The following MUC3A variants were observed in gnomAD, a reference collection of about 807,000 sequenced individuals.
MUC3A encodes the protein mucin 3A, cell surface associated.
In MUC3A, 109 loss-of-function variants were observed where a neutral mutation model predicts 109.0. The ratio of observed to expected loss-of-function variants is 1.00; its 90% CI spans 0.86 to 1.17. MUC3A has a LOEUF of 1.17. Among genes scored for constraint, MUC3A ranks in the 50% most tolerant of loss-of-function variants. The pLI, the probability that MUC3A is intolerant of heterozygous loss-of-function variation, is 0.00. For synonymous variants in MUC3A, 1,398 were observed against 981.4 expected (o/e 1.42, Z -7.93); for missense variants, 3,537 against 2,469.4 (o/e 1.43, Z -9.16).
chr7:100,966,146 G>GCCCCCTTGTTCTAGGGTGGATCCCCT, intron 8 of MUC3A: 1 of 502,812 alleles, frequency 2.0e-6, no homozygotes, highest in Non-Finnish European at 3.2e-6. Context: ...GTTGAACCCC[G>GCCCCCTTGTTCTAGGGTGGATCCCCT]CCCCCTCCTT....
chr7:100,966,237 G>GGGTGGAGACCCGTCCGCTTGTACTAC, intron 8 of MUC3A, 149 bp from the exon 9 acceptor site: 1 of 663,564 alleles, frequency 1.5e-6, no homozygotes, highest in Non-Finnish European at 2.1e-6. Context: ...CCTCGTTCTA[G>GGGTGGAGACCCGTCCGCTTGTACTAC]GGTGGATTCC....
Position 100,966,459 on chromosome 7 carries a change from G to A in MUC3A, c.9685G>A (p.Gly3229Arg), listed in dbSNP as rs945456500. 4 of 1,343,558 alleles carry A rather than the reference G, an allele frequency of 3.0e-6. No individual in the cohort carries two copies. The highest frequency in any genetic ancestry group is 6.2e-5 in the Admixed American group (2 of 32,402). 83.2% of individuals were successfully genotyped at this position (1,343,558 alleles called of 1,614,324 possible). ...EVAVHWRALV[G>R]GLTAGAALLV... ...GGCCGTCCACTGGAGGGCGCTGGTCGGGGGCCTGACGGCCGGCGCCGCGCT... is the reference window on the plus strand; with the variant it reads ...GGCCGTCCACTGGAGGGCGCTGGTCAGGGGCCTGACGGCCGGCGCCGCGCT... The change falls in exon 9 of 12, where the codon GGG becomes AGG. Residue 3229 changes from glycine (G) to arginine (R), a missense_variant. Transcript: ENST00000379458.
chr7:100,957,981 A>G lies in MUC3A; in HGVS notation c.6202A>G (p.Ile2068Val), dbSNP rs1792146658. ...SFTSLITITEITSHSTLSYTT... is the reference protein window; with the variant it reads ...SFTSLITITEVTSHSTLSYTT... Reference sequence around the variant, plus strand: ...CACTTCATTGATCACCATCACCGAGATCACCTCACACAGTACTCTCAGCTA... The same window carrying G: ...CACTTCATTGATCACCATCACCGAGGTCACCTCACACAGTACTCTCAGCTA... The change falls in exon 2 of 12, where the codon ATC (isoleucine) becomes GTC (valine). Residue 2068 changes from isoleucine (I) to valine (V), a missense_variant. By Grantham distance (29) the Ile-to-Val change is conservative. Coordinates refer to ENST00000379458, the MANE Select transcript of MUC3A (RefSeq NM_005960.2). The G allele has an allele frequency of 1.0e-5, 8 of 793,254 alleles. No homozygotes were observed. Among genetic ancestry groups the G allele is most frequent in the Admixed American group, 1.7e-5 (1 of 58,696 alleles). The allele number at this position is 793,254 out of a possible 1,614,324, so 49.1% of individuals were successfully genotyped here. A position where few individuals can be genotyped will look rare whatever the true frequency, so the allele number is the denominator to read the frequency against.
At chr7:100,965,029 G>A (rs1014362356) in intron 6 of MUC3A, 186 bp downstream of exon 6, 5 of 1,125,188 alleles carry the variant, frequency 4.4e-6, no homozygotes, top group East Asian at 5.2e-5. Flanking sequence ...CGTGACCTCG[G>A]TACTGGGAAA....
rs756617432 is a variant in MUC3A, at chr7:100,960,866, G to A, written c.8981G>A (p.Gly2994Asp). Reference protein sequence around the residue: ...TRCQNGGQWDGLKCQCPSTFY... With the variant: ...TRCQNGGQWDDLKCQCPSTFY... The stretch of plus-strand genomic sequence containing the variant: ...TGCCAGAATGGGGGTCAGTGGGATG[G>A]CCTCAAATGCCAGTGCCCCAGCACC... The change falls in exon 3 of 12, where the codon GGC becomes GAC. Residue 2994 changes from glycine (G) to aspartate (D), a missense_variant. By Grantham distance (94) the Gly-to-Asp change is moderately conservative. Coordinates refer to ENST00000379458, the MANE Select transcript of MUC3A (RefSeq NM_005960.2). 7 of 1,598,424 alleles carry A rather than the reference G, an allele frequency of 4.4e-6. No homozygotes were observed. The highest frequency in any genetic ancestry group is 5.9e-6 in the Non-Finnish European group (7 of 1,179,828).
rs777918387 is a variant in MUC3A at position 100,959,970 on chromosome 7, C to T, written c.8191C>T (p.Pro2731Ser). Reference protein sequence around the residue: ...NVGSASITGFPSLSSSATTST... With the variant: ...NVGSASITGFSSLSSSATTST... ...GGGCTCCGCTTCTATCACAGGCTTT[C>T]CTAGTCTCTCTTCCTCTGCAACTAC... The change falls in exon 2 of 12, where the codon CCT (proline) becomes TCT (serine). Residue 2731 changes from proline (P) to serine (S), a missense_variant. Pro to Ser is a moderately conservative substitution (Grantham distance 74). Transcript: ENST00000379458. The T allele has an allele frequency of 1.3e-5, 19 of 1,507,826 alleles. No individual in the cohort carries two copies. The highest frequency in any genetic ancestry group is 1.5e-5 in the Non-Finnish European group (17 of 1,139,428). The allele number at this position is 1,507,826 out of a possible 1,614,324, so 93.4% of individuals were successfully genotyped here. A position where few individuals can be genotyped will look rare whatever the true frequency, so the allele number is the denominator to read the frequency against.
rs1293302244 is a variant in MUC3A, at chr7:100,958,858, C to G, written c.7079C>G (p.Ser2360Cys). The change falls in exon 2 of 12, where the codon TCT becomes TGT. Residue 2360 changes from serine (S) to cysteine (C), a missense_variant. Physicochemically the swap from Ser to Cys is moderately radical, Grantham distance 112 (BLOSUM62 -1). Coordinates refer to ENST00000379458, the MANE Select transcript of MUC3A (RefSeq NM_005960.2). ...TNSHSTTSFT[S>C]SITTTETTSH... ...TCTCACAGTACTACCAGCTTCACTT[C>G]TTCGATCACCACCACCGAGACCACC... 6.3e-7 allele frequency: 1 copy of G among 1,576,812 alleles called. No homozygotes were observed. Among genetic ancestry groups the G allele is most frequent in the Non-Finnish European group, 8.6e-7 (1 of 1,167,110 alleles).
intron 1 of MUC3A, 123 bp downstream of exon 1, chr7:100,949,808 G>A: frequency 1.0e-6 from 1 of 990,174 alleles, no homozygotes; most frequent in Non-Finnish European, 1.4e-6. Flanking sequence ...TTGGGGCTCT[G>A]GGTGCAGGGA....
At chr7:100,964,053 G>T (rs968251256) in intron 5 of MUC3A, 78 of 577,254 alleles carry the variant, frequency 1.4e-4, no homozygotes, top group Non-Finnish European at 2.1e-4. Context: ...TACTGAGTGG[G>T]TCAGCATTAG....
Position 100,966,560 on chromosome 7 carries a change from G to A in MUC3A, c.9785+1G>A, listed in dbSNP as rs1584814166. 3 of 1,454,674 alleles carry A rather than the reference G, an allele frequency of 2.1e-6. No homozygotes were observed. The highest frequency in any genetic ancestry group is 2.7e-6 in the Non-Finnish European group (3 of 1,111,878). The allele number at this position is 1,454,674 out of a possible 1,614,324, so 90.1% of individuals were successfully genotyped here. A position where few individuals can be genotyped will look rare whatever the true frequency, so the allele number is the denominator to read the frequency against. Reference sequence around the variant, plus strand: ...GGTGGGGCGGCCAGCGCCGAGGCCGGTGAGCGTGCGGGGGGCGGGGCCGGG... The same window carrying A: ...GGTGGGGCGGCCAGCGCCGAGGCCGATGAGCGTGCGGGGGGCGGGGCCGGG... On this transcript the variant is annotated splice_donor_variant, in intron 9 of 11. Transcript: ENST00000379458. LOFTEE classifies it high-confidence loss of function.
intron 11 of MUC3A, 63 bp from the exon 12 acceptor site, chr7:100,967,058 T>C: frequency 6.3e-7 from 1 of 1,598,474 alleles, no homozygotes; most frequent in Non-Finnish European, 8.5e-7. Flanking sequence ...GGATCAGCAG[T>C]GACCTCCCTG....
chr7:100,963,625 G>A, intron 4 of MUC3A, 63 bp from the exon 5 acceptor site: 1 of 1,597,478 alleles, frequency 6.3e-7, no homozygotes, highest in Admixed American at 1.7e-5. Context: ...GCTGGGGTTG[G>A]GCGTCTGGGT....
At chr7:100,961,045 G>T (rs542817582) in intron 3 of MUC3A, 108 bp downstream of exon 3, 2 of 1,564,456 alleles carry the variant, frequency 1.3e-6, no homozygotes, top group Non-Finnish European at 1.7e-6. Flanking sequence ...CTTTTTGCCC[G>T]GTCCTTCCCT....
chr7:100,960,212 A>G lies in MUC3A; in HGVS notation c.8433A>G (p.Glu2811=). The change falls in exon 2 of 12, where the codon GAA becomes GAG. Residue 2811 remains glutamate, a synonymous_variant. Transcript: ENST00000379458. The stretch of plus-strand genomic sequence containing the variant: ...TAACAGTCTTTCCCTTTACTACCGA[A>G]ATGGTCACCTGTCCTACCTCCATCA... ...TPLTVFPFTT[E]MVTCPTSISI... 2 of 1,595,950 alleles carry G rather than the reference A, an allele frequency of 1.3e-6. No homozygotes were observed. The highest frequency in any genetic ancestry group is 1.7e-6 in the Non-Finnish European group (2 of 1,177,800).
rs765305330 is a variant in MUC3A at position 100,959,548 on chromosome 7, C to G, written c.7769C>G (p.Thr2590Ser). The G allele has an allele frequency of 3.8e-6, 6 of 1,590,830 alleles. No homozygotes were observed. The East Asian group carries it at 1.1e-4, about 30-fold the overall frequency. The change falls in exon 2 of 12, where the codon ACC becomes AGC. Residue 2590 changes from threonine to serine, a missense_variant. Physicochemically the swap from Thr to Ser is moderately conservative, Grantham distance 58. Coordinates refer to ENST00000379458, the MANE Select transcript of MUC3A (RefSeq NM_005960.2). ...TPPVLTSATG[T>S]QTSPAPTTVT... is the part of the protein sequence containing the mutation. ...CCTGTACTGACGTCAGCCACTGGGA[C>G]CCAAACATCTCCTGCACCTACTACT...
At position 100,960,944 on chromosome 7, in the gene MUC3A, T is replaced by C. The variant is rs73714269; in HGVS notation, c.9052+7T>C. On this transcript the variant is annotated splice_region_variant and intron_variant, in intron 3 of 11. Transcript: ENST00000379458. The stretch of plus-strand genomic sequence containing the variant: ...GTGGAACAGGTGGATCTAGGTGAGT[T>C]GCCAGAGCTATGCCTTCTGCACTTC... 8 of 1,598,336 alleles carry C rather than the reference T, an allele frequency of 5.0e-6. No individual in the cohort carries two copies. The highest frequency in any genetic ancestry group is 6.8e-6 in the Non-Finnish European group (8 of 1,179,692).
In MUC3A at chr7:100,960,514, C is replaced by T. The variant is rs760427987; in HGVS notation, c.8735C>T (p.Pro2912Leu). ...ILRTSSKSTH[P>L]SPPTTRTSET... is the part of the protein sequence containing the mutation. Reference sequence around the variant, plus strand: ...AGGACTTCAAGCAAGTCAACACACCCCTCCCCACCCACCACTAGGACTTCA... The same window carrying T: ...AGGACTTCAAGCAAGTCAACACACCTCTCCCCACCCACCACTAGGACTTCA... Residue 2912 changes from proline to leucine, a missense_variant, in exon 2 of 12, where the codon CCC (proline) becomes CTC (leucine). Transcript: ENST00000379458. 6.3e-7 allele frequency: 1 copy of T among 1,598,710 alleles called. No individual in the cohort carries two copies. The highest frequency in any genetic ancestry group is 8.5e-7 in the Non-Finnish European group (1 of 1,179,822).
At chr7:100,965,223 C>A (rs960761989) in intron 6 of MUC3A, 59 bp from the exon 7 acceptor site, 2 of 1,564,856 alleles carry the variant, frequency 1.3e-6, no homozygotes, top group East Asian at 4.6e-5. Context: ...GGCGCTAACC[C>A]CTTGACCTTA....
rs75597914 is a variant in MUC3A at position 100,960,255 on chromosome 7, A to C, written c.8476A>C (p.Thr2826Pro). The change falls in exon 2 of 12, where the codon ACT becomes CCT. Residue 2826 changes from threonine (T) to proline (P), a missense_variant. By Grantham distance (38) the Thr-to-Pro change is conservative. Coordinates refer to ENST00000379458, the MANE Select transcript of MUC3A (RefSeq NM_005960.2). ...CTCCATCAGTATCCAAACTACTCTT[A>C]CTACATATATGGACACTTCTTCCAT... The part of the protein sequence containing the change: ...PTSISIQTTL[T>P]TYMDTSSMMP... The C allele has an allele frequency of 6.3e-7, 1 of 1,596,768 alleles. No homozygotes were observed.
Sources: gnomAD v4.1 joint callset for allele counts on GRCh38, gnomAD v4.1.1 for gene constraint, MANE v1.5 for transcripts, NCBI Gene and HGNC (gene_info 2026-07-23, HGNC 2026-07-21) for gene names.